Variants in DENND1A observed in about 807,000 individuals in gnomAD.
DENND1A encodes DENN domain containing 1A.
Under a neutral mutation model 113.7 loss-of-function variants are expected in DENND1A, and 51 were observed. The observed-to-expected ratio is 0.45, with a 90% CI of 0.36 to 0.57. The LOEUF (loss-of-function observed/expected upper bound fraction) is 0.57, where lower values mean the gene tolerates loss of function less well. Among genes scored for constraint, DENND1A ranks in the 20% least tolerant of loss-of-function variants. DENND1A has a pLI of 0.00. For synonymous variants in DENND1A, 565 were observed against 570.8 expected (o/e 0.99, Z 0.14); for missense variants, 1,258 against 1,395.9 (o/e 0.90, Z 1.57).
chr9:123,701,382 C>T (rs2065875107), intron 5 of DENND1A, among the ~76,000 whole-genome samples: 1 of 152,160 alleles, frequency 6.6e-6, no homozygotes, highest in African/African-American at 2.4e-5. Flanking sequence ...CCCATGTCAT[C>T]CCTCCCCTTA....
chr9:123,919,830 C>T (rs1308756489), intron 1 of DENND1A, among the ~76,000 whole-genome samples: 1 of 143,450 alleles, frequency 7.0e-6, no homozygotes, highest in Non-Finnish European at 1.5e-5. Context: ...TGCAGCGTGC[C>T]GAGATTGCAT....
intron 21 of DENND1A, among the ~76,000 whole-genome samples, chr9:123,389,567 C>T (rs561185288): frequency 2.0e-5 from 3 of 152,352 alleles, no homozygotes; most frequent in Middle Eastern, 3.4e-3. Flanking sequence ...AGAAAGGCTA[C>T]CCTCCATACA....
At chr9:123,818,154 G>A (rs922846240) in intron 2 of DENND1A, among the ~76,000 whole-genome samples, 3 of 152,002 alleles carry the variant, frequency 2.0e-5, no homozygotes, top group African/African-American at 7.2e-5. Context: ...AGGCTGGAGT[G>A]CATGCAGTGG....
chr9:123,421,320 G>A (rs2045282381), intron 19 of DENND1A, among the ~76,000 whole-genome samples: 1 of 151,964 alleles, frequency 6.6e-6, no homozygotes, highest in African/African-American at 2.4e-5. Flanking sequence ...GACTTGCCCA[G>A]GCCCGGCCTG....
At chr9:123,830,894 A>C (rs899652077) in intron 2 of DENND1A, among the ~76,000 whole-genome samples, 4 of 150,450 alleles carry the variant, frequency 2.7e-5, no homozygotes, top group East Asian at 1.9e-4. Context: ...AAAAAAAAAA[A>C]AAAAAACCAG....
intron 2 of DENND1A, among the ~76,000 whole-genome samples, chr9:123,840,581 G>A (rs1841683958): frequency 6.6e-6 from 1 of 152,092 alleles, no homozygotes; most frequent in African/African-American, 2.4e-5. Flanking sequence ...CACATGAAAG[G>A]TACTCACTTA....
intron 5 of DENND1A, among the ~76,000 whole-genome samples, chr9:123,746,532 T>C (rs187579989): frequency 4.9e-4 from 75 of 152,318 alleles, no homozygotes; most frequent in Middle Eastern, 6.8e-3. Flanking sequence ...GCAGAATATA[T>C]ACCAGTTGAG....
intron 13 of DENND1A, among the ~76,000 whole-genome samples, chr9:123,514,925 C>T (rs1306402255): frequency 6.6e-6 from 1 of 152,172 alleles, no homozygotes; most frequent in Admixed American, 6.5e-5. Flanking sequence ...GACTCCAGAT[C>T]TGAGACAGGA....
At chr9:123,714,278 C>G (rs532058242) in intron 5 of DENND1A, among the ~76,000 whole-genome samples, 1 of 152,314 alleles carries the variant, frequency 6.6e-6, no homozygotes, top group East Asian at 1.9e-4. Flanking sequence ...GCCAGGCGAC[C>G]TTGTCTACCA....
At chr9:123,627,003 C>A (rs1217716298) in intron 10 of DENND1A, among the ~76,000 whole-genome samples, 1 of 152,182 alleles carries the variant, frequency 6.6e-6, no homozygotes, top group Non-Finnish European at 1.5e-5. Context: ...AGAAGGAGGG[C>A]AGTTGTGGGA....
chr9:123,462,357 A>G (rs2048593409), intron 13 of DENND1A, among the ~76,000 whole-genome samples: 1 of 152,260 alleles, frequency 6.6e-6, no homozygotes, highest in Admixed American at 6.5e-5. Context: ...GGATTCAGAC[A>G]TTGCAGAGTC....
intron 21 of DENND1A, chr9:123,401,588 C>A: frequency 7.1e-7 from 1 of 1,401,986 alleles, no homozygotes; most frequent in Non-Finnish European, 9.3e-7. Flanking sequence ...ACCAAACTGG[C>A]TCCCATGCTC....
intron 13 of DENND1A, among the ~76,000 whole-genome samples, chr9:123,499,857 T>C (rs2052313134): frequency 6.6e-6 from 1 of 152,208 alleles, no homozygotes; most frequent in Admixed American, 6.5e-5. Context: ...CTCCTCTACC[T>C]GTCTATGCGC....
At chr9:123,841,596 T>A (rs1211801182) in intron 2 of DENND1A, among the ~76,000 whole-genome samples, 1 of 152,138 alleles carries the variant, frequency 6.6e-6, no homozygotes, top group East Asian at 1.9e-4. Context: ...TAAGCTATGA[T>A]AACTGCCACA....
chr9:123,888,969 T>C (rs947076540), intron 1 of DENND1A, among the ~76,000 whole-genome samples: 2 of 147,872 alleles, frequency 1.4e-5, no homozygotes, highest in African/African-American at 5.1e-5. Flanking sequence ...TGTGTGTGTG[T>C]GTGTGTGTGT....
intron 11 of DENND1A, among the ~76,000 whole-genome samples, chr9:123,604,876 G>A (rs1273592106): frequency 6.6e-6 from 1 of 152,136 alleles, no homozygotes; most frequent in Non-Finnish European, 1.5e-5. Flanking sequence ...CGGCTTGAAG[G>A]CCACTAAAGA....
intron 18 of DENND1A, among the ~76,000 whole-genome samples, chr9:123,445,332 T>G (rs902160729): frequency 6.6e-6 from 1 of 152,210 alleles, no homozygotes; most frequent in African/African-American, 2.4e-5. Context: ...CAGCAGGGCC[T>G]GCTGCGGCCC....
At chr9:123,445,387 G>A (rs1213797198) in intron 18 of DENND1A, among the ~76,000 whole-genome samples, 3 of 152,252 alleles carry the variant, frequency 2.0e-5, no homozygotes, top group Non-Finnish European at 4.4e-5. Flanking sequence ...AGGCAAGGAG[G>A]TGGAAGGTTT....
intron 13 of DENND1A, among the ~76,000 whole-genome samples, chr9:123,541,422 A>G (rs1388773449): frequency 1.3e-5 from 2 of 152,220 alleles, no homozygotes; most frequent in Admixed American, 6.5e-5. Context: ...CAGAGAACAG[A>G]TAATGACCTT....
Sources: gnomAD v4.1 joint callset for allele counts (sites outside exome capture counted in the v4.1 genomes callset) on GRCh38, gnomAD v4.1.1 for gene constraint, MANE v1.5 for transcripts, NCBI Gene and HGNC (gene_info 2026-07-23, HGNC 2026-07-21) for gene names.